The following ATP8A2 variants were observed in gnomAD, a reference collection of about 807,000 sequenced individuals.
ATP8A2 encodes phospholipid-transporting ATPase IB.
ATP8A2 carries 100 observed loss-of-function variants against 165.6 expected under a neutral mutation model. The observed-to-expected ratio is 0.60, with a 90% CI of 0.51 to 0.71. The LOEUF is 0.71. ATP8A2 is among the 30% of genes least tolerant of loss of function. The pLI, the probability that ATP8A2 is intolerant of heterozygous loss-of-function variation, is 0.00. For missense variants in ATP8A2, 1,227 were observed against 1,479.5 expected, an observed-to-expected ratio of 0.83 and a Z score of 2.80; for synonymous variants, 543 against 548.8, an observed-to-expected ratio of 0.99 and a Z score of 0.15.
chr13:25,414,437 C>A (rs11841949), intron 1 of ATP8A2, among the ~76,000 whole-genome samples: 2,032 of 152,216 alleles, frequency 0.013, 49 homozygotes, highest in African/African-American at 0.045. Context: ...GGTGATACTC[C>A]CTCCTTGGCC....
chr13:25,897,888 G>A (rs1193740793), intron 33 of ATP8A2, among the ~76,000 whole-genome samples: 1 of 152,112 alleles, frequency 6.6e-6, no homozygotes, highest in Non-Finnish European at 1.5e-5. Context: ...AGCTCCATCA[G>A]CTCCTTCAAG....
intron 24 of ATP8A2, among the ~76,000 whole-genome samples, chr13:25,619,677 G>C (rs563619988): frequency 1.3e-5 from 2 of 152,160 alleles, no homozygotes; most frequent in African/African-American, 4.8e-5. Context: ...AGGTTGAATA[G>C]TATATTAGTT....
rs562590979 is a variant in ATP8A2 at position 25,974,518 on chromosome 13, A to G, written c.3377+5839A>G. Among the ~76,000 whole-genome samples the G allele has an allele frequency of 2.0e-5, 3 of 152,160 alleles. No homozygotes were observed. The East Asian group carries it at 5.8e-4, about 29-fold the overall frequency. Reference sequence around the variant, plus strand: ...AGTTCTGAATCTTGGTGGTCTCCTCAAGACAGCCTTTGGATTACAGCTTCA... The same window carrying G: ...AGTTCTGAATCTTGGTGGTCTCCTCGAGACAGCCTTTGGATTACAGCTTCA... On this transcript the variant is annotated intron_variant, in intron 35 of 36. Transcript: ENST00000381655.
chr13:25,941,281 G>A (rs1201513279), intron 33 of ATP8A2, among the ~76,000 whole-genome samples: 2 of 152,118 alleles, frequency 1.3e-5, no homozygotes, highest in Non-Finnish European at 2.9e-5. Flanking sequence ...TGCTCTCATA[G>A]CTGCTGCCTT....
At chr13:25,885,470 T>G (rs1283677625) in intron 33 of ATP8A2, among the ~76,000 whole-genome samples, 1 of 152,014 alleles carries the variant, frequency 6.6e-6, no homozygotes, top group African/African-American at 2.4e-5. Flanking sequence ...CTCCTTCTTT[T>G]GGGGTGGCTG....
chr13:25,480,441 G>C (rs575650169), intron 2 of ATP8A2, among the ~76,000 whole-genome samples: 16 of 151,150 alleles, frequency 1.1e-4, no homozygotes, highest in African/African-American at 3.6e-4. Flanking sequence ...TTCTCAGATG[G>C]GGCGGCTGGG....
intron 28 of ATP8A2, among the ~76,000 whole-genome samples, chr13:25,835,876 C>G (rs193033361): frequency 1.3e-5 from 2 of 152,104 alleles, no homozygotes; most frequent in Non-Finnish European, 2.9e-5. Context: ...AGTTCCTCGT[C>G]CTTTAAATGA....
rs142307765 is a variant in ATP8A2 at position 25,702,743 on chromosome 13, G to A, written c.2384+3398G>A. On this transcript the variant is annotated intron_variant, in intron 25 of 36. Transcript: ENST00000381655. ...CCCTTAGTGAAGAAGGCATAGCTGG[G>A]TCTCCATCTGGCCACATGCAGCAGA... Among the ~76,000 whole-genome samples the A allele has an allele frequency of 5.3e-3, 812 of 152,260 alleles. 2 individuals carry two copies. Among genetic ancestry groups the A allele is most frequent in the African/African-American group, 0.013 (545 of 41,550 alleles).
At chr13:25,609,534 G>GGGATTCAAATATATATATATATAGTT (rs2040605360) in intron 24 of ATP8A2, among the ~76,000 whole-genome samples, 1 of 42,294 alleles carries the variant, frequency 2.4e-5, no homozygotes, top group African/African-American at 5.7e-5. Context: ...ATATATATTT[G>GGGATTCAAATATATATATATATAGTT]GGATTCAAAT....
At chr13:25,465,715 C>CTTTCTTTTCTTT (rs1555274902) in intron 1 of ATP8A2, among the ~76,000 whole-genome samples, 1 of 42,292 alleles carries the variant, frequency 2.4e-5, no homozygotes, top group African/African-American at 9.2e-5. Context: ...TTCTTTCTTT[C>CTTTCTTTTCTTT]TTTCTTTCTT....
chr13:25,768,513 G>A (rs1221390556), intron 25 of ATP8A2, among the ~76,000 whole-genome samples: 6 of 151,580 alleles, frequency 4.0e-5, no homozygotes, highest in Admixed American at 6.6e-5. Context: ...TTTCTGGGGC[G>A]GATGTAGGGA....
At chr13:25,696,185 G>A (rs1230480624) in intron 24 of ATP8A2, among the ~76,000 whole-genome samples, 1 of 152,178 alleles carries the variant, frequency 6.6e-6, no homozygotes, top group Non-Finnish European at 1.5e-5. Context: ...CTGAGCAGTA[G>A]GTCTTAACAG....
chr13:25,593,199 A>T (rs7997022), intron 24 of ATP8A2, among the ~76,000 whole-genome samples: 124,297 of 151,584 alleles, frequency 0.82, 51,687 homozygotes, highest in Non-Finnish European at 0.9. Flanking sequence ...CAGGTTGAGA[A>T]TTTAAGTCTC....
chr13:25,454,197 C>G (rs542856634), intron 1 of ATP8A2, among the ~76,000 whole-genome samples: 49 of 152,182 alleles, frequency 3.2e-4, no homozygotes, highest in Non-Finnish European at 5.7e-4. Context: ...TGGCTGGGCT[C>G]TCTCTTGGCA....
chr13:25,473,054 C>T (rs1263960114), intron 2 of ATP8A2, among the ~76,000 whole-genome samples: 5 of 152,198 alleles, frequency 3.3e-5, no homozygotes, highest in Admixed American at 6.5e-5. Context: ...GATGGTGGGT[C>T]TAGGGAAATG....
At chr13:25,503,884 G>C (rs933499670) in intron 2 of ATP8A2, among the ~76,000 whole-genome samples, 15 of 152,296 alleles carry the variant, frequency 9.8e-5, no homozygotes, top group Middle Eastern at 3.4e-3. Context: ...CAAGATAGCA[G>C]CTCAGAGCCA....
chr13:25,655,305 A>G (rs1322415971), intron 24 of ATP8A2, among the ~76,000 whole-genome samples: 2 of 152,136 alleles, frequency 1.3e-5, no homozygotes, highest in East Asian at 3.9e-4. Context: ...GATTACAGGC[A>G]TCTGCCACCA....
intron 33 of ATP8A2, among the ~76,000 whole-genome samples, chr13:25,945,831 A>T (rs977983711): frequency 7.2e-5 from 11 of 152,214 alleles, no homozygotes; most frequent in African/African-American, 2.7e-4. Flanking sequence ...TGCTGCAGCC[A>T]CTGAGCTCAT....
At chr13:25,987,006 T>G (rs1956290877) in intron 35 of ATP8A2, among the ~76,000 whole-genome samples, 1 of 152,228 alleles carries the variant, frequency 6.6e-6, no homozygotes, top group Non-Finnish European at 1.5e-5. Context: ...TTCATAATTT[T>G]TACAGATGAT....
Sources: gnomAD v4.1 joint callset for allele counts (sites outside exome capture counted in the v4.1 genomes callset) on GRCh38, gnomAD v4.1.1 for gene constraint, MANE v1.5 for transcripts, NCBI Gene and HGNC (gene_info 2026-07-23, HGNC 2026-07-21) for gene names.